The following FBXL17 variants were observed in gnomAD, a reference collection of about 807,000 sequenced individuals.
FBXL17 encodes the protein F-box/LRR-repeat protein 17.
FBXL17 carries 22 observed loss-of-function variants against 66.2 expected under a neutral mutation model. That is an observed-to-expected ratio of 0.33 (90% CI 0.24 to 0.47). The LOEUF is 0.47. Among genes scored for constraint, FBXL17 ranks in the 20% least tolerant of loss-of-function variants. FBXL17 has a pLI of 1.00. For missense variants in FBXL17, 878 were observed against 948.2 expected (o/e 0.93, Z 0.97); for synonymous variants, 474 against 400.5 (o/e 1.18, Z -2.19).
chr5:108,248,381 G>A (rs1292110861), intron 4 of FBXL17, among the ~76,000 whole-genome samples: 1 of 152,020 alleles, frequency 6.6e-6, no homozygotes, highest in Non-Finnish European at 1.5e-5. Flanking sequence ...TGAACCTGAA[G>A]ATAGAATAAA....
At chr5:108,080,453 T>C (rs1297649652) in intron 6 of FBXL17, among the ~76,000 whole-genome samples, 1 of 152,248 alleles carries the variant, frequency 6.6e-6, no homozygotes, top group East Asian at 1.9e-4. Context: ...AGTAGAGTCA[T>C]ATACCAAAAT....
chr5:107,885,970 T>G (rs913042394), intron 7 of FBXL17, among the ~76,000 whole-genome samples: 3 of 151,862 alleles, frequency 2.0e-5, no homozygotes, highest in African/African-American at 4.8e-5. Flanking sequence ...TGTGTAAGAA[T>G]CTGAAGAGGA....
At chr5:108,297,868 T>A in intron 4 of FBXL17, 1 of 910,402 alleles carries the variant, frequency 1.1e-6, no homozygotes, top group Non-Finnish European at 1.3e-6. Flanking sequence ...AATACAGTTT[T>A]TACAACAAAC....
At chr5:108,043,970 T>C (rs1747147395) in intron 6 of FBXL17, among the ~76,000 whole-genome samples, 1 of 152,232 alleles carries the variant, frequency 6.6e-6, no homozygotes, top group Non-Finnish European at 1.5e-5. Context: ...AATTGTATTG[T>C]GTTCTTAATT....
chr5:108,321,366 G>A (rs1243126321), intron 4 of FBXL17, among the ~76,000 whole-genome samples: 1 of 151,654 alleles, frequency 6.6e-6, no homozygotes, highest in Non-Finnish European at 1.5e-5. Context: ...TAGAGAAAAC[G>A]ACTTCTTTCC....
chr5:108,071,908 T>A lies in FBXL17; in HGVS notation c.1746-50907A>T, dbSNP rs185029741. ...CAAAGGCCTAGCACAGGATCTCATG[T>A]GCACAACTTCTGTGGAATCTAATAT... On this transcript the variant is annotated intron_variant, in intron 6 of 8. Transcript: ENST00000542267. Among the ~76,000 whole-genome samples the A allele has an allele frequency of 2.6e-5, 4 of 152,178 alleles. 1 individual carries two copies. The highest frequency in any genetic ancestry group is 9.6e-5 in the African/African-American group (4 of 41,462).
At chr5:107,896,012 C>A (rs1749370625) in intron 7 of FBXL17, among the ~76,000 whole-genome samples, 1 of 152,094 alleles carries the variant, frequency 6.6e-6, no homozygotes, top group African/African-American at 2.4e-5. Flanking sequence ...CATGGTCTGT[C>A]CATTGGATCC....
intron 5 of FBXL17, among the ~76,000 whole-genome samples, chr5:108,213,328 C>T (rs1451936497): frequency 2.0e-5 from 3 of 152,078 alleles, no homozygotes; most frequent in African/African-American, 7.2e-5. Flanking sequence ...TGTTCCAGGC[C>T]CCAATGAGGC....
intron 3 of FBXL17, among the ~76,000 whole-genome samples, chr5:108,363,908 G>A (rs1480225939): frequency 6.6e-6 from 1 of 151,916 alleles, no homozygotes; most frequent in Non-Finnish European, 1.5e-5. Context: ...AATTTAATAT[G>A]TTTAAGAACT....
At chr5:108,041,888 A>G (rs992045814) in intron 6 of FBXL17, among the ~76,000 whole-genome samples, 7 of 152,036 alleles carry the variant, frequency 4.6e-5, no homozygotes, top group African/African-American at 1.4e-4. Flanking sequence ...ACTCATATTC[A>G]TCTATCCATT....
intron 5 of FBXL17, among the ~76,000 whole-genome samples, chr5:108,197,105 T>C (rs1394747111): frequency 6.7e-6 from 1 of 150,306 alleles, no homozygotes; most frequent in Non-Finnish European, 1.5e-5. Flanking sequence ...AGGACTTTTC[T>C]TTCCACCAAA....
chr5:108,176,564 G>C (rs2150021996), intron 6 of FBXL17, among the ~76,000 whole-genome samples: 1 of 152,134 alleles, frequency 6.6e-6, no homozygotes, highest in East Asian at 1.9e-4. Context: ...TGTCAACATG[G>C]AGAATCAATA....
At chr5:107,913,362 G>A (rs1268022490) in intron 7 of FBXL17, among the ~76,000 whole-genome samples, 1 of 152,172 alleles carries the variant, frequency 6.6e-6, no homozygotes. Flanking sequence ...GTAGGGCAGA[G>A]GAGATGGGAT....
intron 6 of FBXL17, among the ~76,000 whole-genome samples, chr5:108,158,436 T>C (rs1315039236): frequency 1.3e-5 from 2 of 152,074 alleles, no homozygotes; most frequent in African/African-American, 4.8e-5. Flanking sequence ...CTTAAAATAC[T>C]TTAAAGATAT....
intron 4 of FBXL17, among the ~76,000 whole-genome samples, chr5:108,323,116 GA>G (rs1427932719): frequency 6.6e-6 from 1 of 151,226 alleles, no homozygotes; most frequent in East Asian, 1.9e-4. Context: ...AATTAGAGGG[GA>G]AAAAAAGAAA....
intron 7 of FBXL17, among the ~76,000 whole-genome samples, chr5:107,946,255 T>TTA (rs55643516): frequency 0.011 from 436 of 40,154 alleles, 4 homozygotes; most frequent in Non-Finnish European, 0.013. Context: ...CAATCTCATT[T>TTA]TATATATATA....
intron 6 of FBXL17, among the ~76,000 whole-genome samples, chr5:108,143,545 C>T (rs1751442402): frequency 6.6e-6 from 1 of 152,048 alleles, no homozygotes; most frequent in Non-Finnish European, 1.5e-5. Flanking sequence ...CTCTCTTCTG[C>T]TTTACCAACA....
At chr5:108,205,206 G>C (rs923737731) in intron 5 of FBXL17, among the ~76,000 whole-genome samples, 3 of 151,962 alleles carry the variant, frequency 2.0e-5, no homozygotes, top group Non-Finnish European at 4.4e-5. Context: ...AAACTACATT[G>C]CTGGCCCAAT....
intron 6 of FBXL17, among the ~76,000 whole-genome samples, chr5:108,111,386 T>C (rs1580456014): frequency 6.6e-6 from 1 of 152,252 alleles, no homozygotes; most frequent in East Asian, 1.9e-4. Flanking sequence ...TTTTTTGGAA[T>C]TGTCAATAAA....
Sources: allele counts gnomAD v4.1 joint callset (sites outside exome capture counted in the v4.1 genomes callset), GRCh38; gene constraint gnomAD v4.1.1; transcripts MANE v1.5; gene names NCBI Gene and HGNC (gene_info 2026-07-23, HGNC 2026-07-21).